GNPTG: variants seen among roughly 807,000 people sequenced by gnomAD.
The protein encoded by GNPTG is N-acetylglucosamine-1-phosphotransferase subunit gamma.
Under a neutral mutation model 43.8 loss-of-function variants are expected in GNPTG, and 46 were observed. That is an observed-to-expected ratio of 1.05 (90% CI 0.83 to 1.34). GNPTG has a LOEUF of 1.34. Ranked by LOEUF, GNPTG falls within the 40% of genes most tolerant of loss-of-function variation. GNPTG has a pLI of 0.00. For missense variants in GNPTG, 549 were observed against 411.3 expected (o/e 1.33, Z -2.90); for synonymous variants, 250 against 172.8 (o/e 1.45, Z -3.50).
intron 3 of GNPTG, chr16:1,360,901 C>G (rs1390352311): frequency 6.6e-6 from 1 of 152,518 alleles, no homozygotes; most frequent in Non-Finnish European, 1.5e-5. Flanking sequence ...TGCATGTAAC[C>G]AACTCCTGAA....
In GNPTG at chr16:1,362,503, A is replaced by G; in HGVS notation, c.578A>G (p.Gln193Arg). The G allele has an allele frequency of 1.2e-6, 2 of 1,614,134 alleles. No individual in the cohort carries two copies. The highest frequency in any genetic ancestry group is 1.7e-6 in the Non-Finnish European group (2 of 1,180,020). The change falls in exon 8 of 11, where the codon CAG becomes CGG. Residue 193 changes from glutamine to arginine, a missense_variant. By Grantham distance (43) the Gln-to-Arg change is conservative. Coordinates refer to ENST00000204679, the MANE Select transcript of GNPTG (RefSeq NM_032520.5). ...CAGCGGCAGTGGGACCAGGTAGAGC[A>G]GGACCTGGCCGATGAGCTGATCACC... The part of the protein sequence containing the change: ...ALQRQWDQVE[Q>R]DLADELITPQ...
chr16:1,361,654 A>G, intron 3 of GNPTG, 89 bp from the exon 4 acceptor site: 1 of 1,425,686 alleles, frequency 7.0e-7, no homozygotes, highest in Non-Finnish European at 9.8e-7. Context: ...AAAAAAAAAG[A>G]AAACTGGTCC....
intron 5 of GNPTG, 24 bp downstream of exon 5, chr16:1,361,979 C>A: frequency 6.2e-7 from 1 of 1,613,266 alleles, no homozygotes; most frequent in Non-Finnish European, 8.5e-7. Context: ...GGGCAGGGAT[C>A]CCAAAGCAGC....
At chr16:1,362,956 T>C (rs1274730729) in intron 10 of GNPTG, 41 bp from the exon 11 acceptor site, 1 of 1,613,378 alleles carries the variant, frequency 6.2e-7, no homozygotes, top group Non-Finnish European at 8.5e-7. Flanking sequence ...ACTCGCCACC[T>C]GTGGGTCCAG....
chr16:1,361,271 G>A (rs914376448), intron 3 of GNPTG: 12 of 188,226 alleles, frequency 6.4e-5, no homozygotes, highest in African/African-American at 2.9e-4. Flanking sequence ...GCTATTTTTA[G>A]AATTCTCGGT....
intron 3 of GNPTG, among the ~76,000 whole-genome samples, chr16:1,354,987 A>G (rs1458638147): frequency 6.6e-6 from 1 of 151,190 alleles, no homozygotes; most frequent in Non-Finnish European, 1.5e-5. Flanking sequence ...TGGGGCCTGG[A>G]TACTCCCCCG....
intron 3 of GNPTG, among the ~76,000 whole-genome samples, chr16:1,360,421 G>T (rs970749903): frequency 6.6e-6 from 1 of 152,088 alleles, no homozygotes; most frequent in African/African-American, 2.4e-5. Context: ...GTCCACAGTT[G>T]CAGACCAGCC....
At chr16:1,361,610 C>T in intron 3 of GNPTG, 133 bp from the exon 4 acceptor site, 10 of 905,620 alleles carry the variant, frequency 1.1e-5, no homozygotes, top group Non-Finnish European at 1.7e-5. Flanking sequence ...TGCCACTGCA[C>T]TCCAGCCTGG....
chr16:1,360,575 G>A (rs2034851832), intron 3 of GNPTG: 1 of 152,346 alleles, frequency 6.6e-6, no homozygotes, highest in Non-Finnish European at 1.5e-5. Context: ...AGTGAGCCGA[G>A]ATCGCGCCAC....
chr16:1,354,235 G>A (rs545812875), intron 3 of GNPTG, among the ~76,000 whole-genome samples: 7 of 152,252 alleles, frequency 4.6e-5, no homozygotes, highest in African/African-American at 1.7e-4. Flanking sequence ...TCCAGTAGGA[G>A]AGAGGCAGCC....
Position 1,362,838 on chromosome 16 carries a change from T to C in GNPTG, c.755T>C (p.Leu252Pro), listed in dbSNP as rs376896298. ...LENCRKAHKE[L>P]SKEIKRLKGL... is the part of the protein sequence containing the mutation. ...TGTGGTTGGTAGGCTCATAAAGAACTCTCAAAGGAGATCAAAAGGCTGAAA... is the reference window on the plus strand; with the variant it reads ...TGTGGTTGGTAGGCTCATAAAGAACCCTCAAAGGAGATCAAAAGGCTGAAA... Residue 252 changes from leucine (L) to proline (P), a missense_variant, in exon 10 of 11, where the codon CTC (leucine) becomes CCC (proline). By Grantham distance (98) the Leu-to-Pro change is moderately conservative. Transcript: ENST00000204679. 24 of 1,613,964 alleles carry C rather than the reference T, an allele frequency of 1.5e-5. No individual in the cohort carries two copies. In the African/African-American group the frequency reaches 2.1e-4, roughly 14 times the overall value.
intron 9 of GNPTG, 27 bp from the exon 10 acceptor site, chr16:1,362,798 C>T: frequency 6.2e-7 from 1 of 1,614,070 alleles, no homozygotes; most frequent in Non-Finnish European, 8.5e-7. Flanking sequence ...CCTGGGCTTT[C>T]CCTTGAACTC....
intron 3 of GNPTG, among the ~76,000 whole-genome samples, chr16:1,355,610 G>A (rs2034761790): frequency 6.6e-6 from 1 of 152,168 alleles, no homozygotes; most frequent in South Asian, 2.1e-4. Flanking sequence ...CATGGAGAGG[G>A]AATGGGGCAC....
intron 3 of GNPTG, chr16:1,360,735 C>G (rs112402119): frequency 6.6e-6 from 1 of 152,184 alleles, no homozygotes; most frequent in Non-Finnish European, 1.5e-5. Context: ...GAAACCAGTC[C>G]CTGGTGCCAA....
At chr16:1,354,311 G>A (rs1378640851) in intron 3 of GNPTG, among the ~76,000 whole-genome samples, 2 of 152,104 alleles carry the variant, frequency 1.3e-5, no homozygotes, top group Non-Finnish European at 2.9e-5. Flanking sequence ...TATGCTGGTC[G>A]TGGTGGTGCG....
intron 7 of GNPTG, 55 bp from the exon 8 acceptor site, chr16:1,362,397 G>A (rs1268889253): frequency 1.9e-6 from 3 of 1,610,624 alleles, no homozygotes; most frequent in Admixed American, 3.3e-5. Flanking sequence ...GTAGTGCTGG[G>A]GGCCAGGGTT....
rs548044556 is a variant in GNPTG, at chr16:1,352,803, A to G, written c.178+497A>G. Among the ~76,000 whole-genome samples the G allele has an allele frequency of 6.6e-5, 10 of 152,154 alleles. No individual in the cohort carries two copies. In the South Asian group the frequency reaches 1.7e-3, roughly 25 times the overall value. The stretch of plus-strand genomic sequence containing the variant: ...TTAGGTTCTTGCCATTTTTTTGGCC[A>G]TTAGAAATAGTTCTGTGGAGAACAT... On this transcript the variant is annotated intron_variant, in intron 3 of 10. Transcript: ENST00000204679.
intron 3 of GNPTG, among the ~76,000 whole-genome samples, chr16:1,354,585 CA>C (rs869067502): frequency 1.5e-3 from 67 of 44,366 alleles, no homozygotes; most frequent in East Asian, 3.2e-3. Flanking sequence ...GACTTCGTCT[CA>C]AAAAAAAAAA....
intron 3 of GNPTG, chr16:1,357,576 C>T (rs35152669): frequency 2.1e-3 from 326 of 152,348 alleles, no homozygotes; most frequent in Non-Finnish European, 3.9e-3. Context: ...TGCAGTGGCG[C>T]GATCTCGGCT....
Sources: gnomAD v4.1 joint callset for allele counts (sites outside exome capture counted in the v4.1 genomes callset) on GRCh38, gnomAD v4.1.1 for gene constraint, MANE v1.5 for transcripts, NCBI Gene and HGNC (gene_info 2026-07-23, HGNC 2026-07-21) for gene names.